SOX6: variants seen among roughly 807,000 people sequenced by gnomAD.
SOX6 encodes SRY-box transcription factor 6, also known as transcription factor SOX-6.
In SOX6, 11 loss-of-function variants were observed where a neutral mutation model predicts 97.8. That is an observed-to-expected ratio of 0.11 (90% confidence interval 0.07 to 0.19). SOX6 has a LOEUF of 0.19. SOX6 is among the 10% of genes least tolerant of loss of function. The pLI is 1.00. For missense variants in SOX6, 810 were observed against 1,039.5 expected, an observed-to-expected ratio of 0.78 and a Z score of 3.04; for synonymous variants, 360 against 371.4, an observed-to-expected ratio of 0.97 and a Z score of 0.35.
chr11:16,493,455 A>G lies in SOX6; in HGVS notation n.610-17067T>C, dbSNP rs557879668. On this transcript the variant is annotated intron_variant and non_coding_transcript_variant, in intron 4 of 5. Transcript: ENST00000524520. ...AAAAGCAAGAAGTGATTATCATAAA[A>G]GAAAGGTAATGATGTTTTTTCCCTT... Among the ~76,000 whole-genome samples the G allele has an allele frequency of 1.1e-4, 16 of 152,342 alleles. No individual in the cohort carries two copies. In the Middle Eastern group the frequency reaches 0.01, roughly 97 times the overall value.
intron 4 of SOX6, among the ~76,000 whole-genome samples, chr11:16,543,147 T>C (rs1384582369): frequency 6.6e-6 from 1 of 152,138 alleles, no homozygotes; most frequent in Admixed American, 6.6e-5. Context: ...GAACTCTTTA[T>C]CTTGGAACTC....
intron 3 of SOX6, among the ~76,000 whole-genome samples, chr11:16,641,668 C>A (rs1848916550): frequency 6.6e-6 from 1 of 152,242 alleles, no homozygotes; most frequent in South Asian, 2.1e-4. Context: ...TAATGGCCTT[C>A]TTTGTCTCTT....
At chr11:16,247,722 A>C (rs1475069805) in intron 3 of SOX6, among the ~76,000 whole-genome samples, 1 of 152,186 alleles carries the variant, frequency 6.6e-6, no homozygotes, top group African/African-American at 2.4e-5. Flanking sequence ...CATGGGGACT[A>C]TAAGAACTAC....
intron 2 of SOX6, among the ~76,000 whole-genome samples, chr11:16,339,189 C>T (rs1856554054): frequency 6.6e-6 from 1 of 152,020 alleles, no homozygotes; most frequent in Admixed American, 6.6e-5. Context: ...CCCATCCATT[C>T]ATTATACCAC....
At chr11:16,423,654 GA>G (rs1859064570) in intron 1 of SOX6, among the ~76,000 whole-genome samples, 1 of 152,132 alleles carries the variant, frequency 6.6e-6, no homozygotes, top group Non-Finnish European at 1.5e-5. Context: ...TGACTTAGGG[GA>G]AAGAAATGGT....
chr11:16,419,962 A>C (rs1858994648), intron 1 of SOX6, among the ~76,000 whole-genome samples: 1 of 152,156 alleles, frequency 6.6e-6, no homozygotes, highest in Admixed American at 6.5e-5. Flanking sequence ...GGATTTTTAA[A>C]TTTTTTCTTA....
intron 4 of SOX6, among the ~76,000 whole-genome samples, chr11:16,555,367 C>G (rs1450038743): frequency 4.0e-5 from 6 of 151,518 alleles, no homozygotes; most frequent in Non-Finnish European, 8.9e-5. Flanking sequence ...TATTTTTGCT[C>G]AGGTGTTATC....
intron 4 of SOX6, among the ~76,000 whole-genome samples, chr11:16,564,387 T>C (rs1847845988): frequency 6.6e-6 from 1 of 152,152 alleles, no homozygotes; most frequent in Admixed American, 6.5e-5. Context: ...ACTGGTAAAC[T>C]GACTATTCCA....
chr11:16,445,570 A>C (rs994761085), intron 1 of SOX6, among the ~76,000 whole-genome samples: 2 of 152,186 alleles, frequency 1.3e-5, no homozygotes, highest in African/African-American at 4.8e-5. Context: ...GCACTGTATC[A>C]TCACTGAAAG....
chr11:16,636,137 C>G (rs1170553466), intron 3 of SOX6, among the ~76,000 whole-genome samples: 1 of 152,184 alleles, frequency 6.6e-6, no homozygotes, highest in African/African-American at 2.4e-5. Context: ...CAGCTTGCAC[C>G]ATACTCCTAG....
intron 2 of SOX6, among the ~76,000 whole-genome samples, chr11:16,337,168 A>C (rs1441832334): frequency 3.3e-5 from 5 of 152,206 alleles, no homozygotes; most frequent in African/African-American, 1.2e-4. Context: ...CAGTGATGAT[A>C]ATAACTCCTT....
At chr11:16,519,204 A>T (rs935762597) in intron 4 of SOX6, among the ~76,000 whole-genome samples, 1 of 150,182 alleles carries the variant, frequency 6.7e-6, no homozygotes, top group African/African-American at 2.4e-5. Flanking sequence ...TAAAAATCCA[A>T]TTTTTTTTTT....
chr11:16,485,128 G>A (rs559626621), intron 4 of SOX6, among the ~76,000 whole-genome samples: 2 of 152,112 alleles, frequency 1.3e-5, no homozygotes, highest in African/African-American at 4.8e-5. Flanking sequence ...GTTCACCTCC[G>A]CCAACATGTG....
intron 7 of SOX6, among the ~76,000 whole-genome samples, chr11:16,102,062 T>A (rs1203726893): frequency 6.6e-6 from 1 of 151,810 alleles, no homozygotes; most frequent in Non-Finnish European, 1.5e-5. Context: ...AATAGGGGCA[T>A]CCAAATCGGT....
intron 3 of SOX6, among the ~76,000 whole-genome samples, chr11:16,653,538 G>A (rs191196090): frequency 2.6e-4 from 39 of 152,180 alleles, no homozygotes; most frequent in Middle Eastern, 6.8e-3. Flanking sequence ...ACCAAACATC[G>A]TATGTTTTCA....
intron 2 of SOX6, chr11:16,736,250 T>C (rs1235690227): frequency 2.6e-5 from 4 of 152,228 alleles, no homozygotes; most frequent in Non-Finnish European, 5.9e-5. Context: ...TGATAGTGTA[T>C]CTTTGTTTTT....
chr11:16,616,027 T>C (rs1848467111), intron 3 of SOX6, among the ~76,000 whole-genome samples: 2 of 152,148 alleles, frequency 1.3e-5, no homozygotes, highest in Non-Finnish European at 2.9e-5. Context: ...ATAATATCCT[T>C]CTGAGATACT....
chr11:16,116,690 G>T (rs1849354942), intron 6 of SOX6, among the ~76,000 whole-genome samples: 1 of 152,112 alleles, frequency 6.6e-6, no homozygotes, highest in South Asian at 2.1e-4. Context: ...TAGTGCAAGG[G>T]TCTCCAACCC....
At chr11:16,096,171 A>T in intron 8 of SOX6, 53 bp from the exon 9 acceptor site, 2 of 1,587,426 alleles carry the variant, frequency 1.3e-6, no homozygotes, top group Non-Finnish European at 1.7e-6. Context: ...TACTGTCAGA[A>T]CTCATGAAAC....
Sources: allele counts gnomAD v4.1 joint callset (sites outside exome capture counted in the v4.1 genomes callset), GRCh38; gene constraint gnomAD v4.1.1; transcripts MANE v1.5; gene names NCBI Gene and HGNC (gene_info 2026-07-23, HGNC 2026-07-21).